Variants in MPPED1 observed in about 807,000 individuals in gnomAD.
MPPED1 encodes the protein metallophosphoesterase domain containing 1.
A neutral mutation model predicts 36.2 loss-of-function variants in MPPED1; 16 were observed. The observed-to-expected ratio is 0.44, with a 90% confidence interval of 0.30 to 0.67. The LOEUF is 0.67. Among genes scored for constraint, MPPED1 ranks in the 30% least tolerant of loss-of-function variants. The pLI is 0.10. For synonymous variants in MPPED1, 199 were observed against 191.3 expected (o/e 1.04, Z -0.33); for missense variants, 307 against 453.4 (o/e 0.68, Z 2.93).
At chr22:43,432,372 A>G (rs1929728814) in intron 2 of MPPED1, among the ~76,000 whole-genome samples, 2 of 116,432 alleles carry the variant, frequency 1.7e-5, no homozygotes, top group Non-Finnish European at 3.4e-5. Flanking sequence ...AAAGGGAGAG[A>G]GAAAGGGAGG....
At chr22:43,452,605 C>G (rs1930609988) in intron 3 of MPPED1, among the ~76,000 whole-genome samples, 1 of 152,100 alleles carries the variant, frequency 6.6e-6, no homozygotes, top group South Asian at 2.1e-4. Flanking sequence ...TTTATTTAGC[C>G]TTAAAACCCT....
intron 3 of MPPED1, among the ~76,000 whole-genome samples, chr22:43,450,239 G>A (rs1351649502): frequency 6.6e-6 from 1 of 152,200 alleles, no homozygotes; most frequent in African/African-American, 2.4e-5. Flanking sequence ...TTTAATTCCT[G>A]AATGAGACAG....
In MPPED1 at chr22:43,425,154, G is replaced by T. The variant is rs748853811; in HGVS notation, c.169G>T (p.Ala57Ser). ...CGAGTACAGCTCCAACCCCACCCAG[G>T]CCTTCACCTTCTACAACATCAACCA... ...VDEYSSNPTQ[A>S]FTFYNINQGR... Residue 57 changes from alanine (A) to serine (S), a missense_variant, in exon 2 of 7, where the codon GCC becomes TCC. Ala to Ser is a moderately conservative substitution (Grantham distance 99). Coordinates refer to ENST00000443721, the MANE Select transcript of MPPED1 (RefSeq NM_001044370.2). The T allele has an allele frequency of 1.9e-6, 3 of 1,603,420 alleles. No homozygotes were observed. Among genetic ancestry groups the T allele is most frequent in the Non-Finnish European group, 2.6e-6 (3 of 1,173,732 alleles).
chr22:43,490,679 AT>A (rs1258608787), intron 4 of MPPED1, among the ~76,000 whole-genome samples: 1 of 152,170 alleles, frequency 6.6e-6, no homozygotes, highest in Non-Finnish European at 1.5e-5. Flanking sequence ...ATTTGATCAG[AT>A]TTTTGAAAAA....
At chr22:43,469,570 C>T (rs1350176613) in intron 3 of MPPED1, among the ~76,000 whole-genome samples, 2 of 152,120 alleles carry the variant, frequency 1.3e-5, no homozygotes, top group Non-Finnish European at 2.9e-5. Flanking sequence ...ACTCCTCCTG[C>T]CCACTCCGTG....
intron 3 of MPPED1, among the ~76,000 whole-genome samples, chr22:43,457,509 T>C (rs989035468): frequency 2.0e-5 from 3 of 152,150 alleles, no homozygotes; most frequent in African/African-American, 7.2e-5. Flanking sequence ...TTATGTTTAA[T>C]ATAACTACTG....
At chr22:43,414,037 C>G (rs1352622074) in intron 1 of MPPED1, among the ~76,000 whole-genome samples, 2 of 152,196 alleles carry the variant, frequency 1.3e-5, no homozygotes, top group African/African-American at 4.8e-5. Context: ...CACATCCACC[C>G]TGGCTGATGC....
intron 2 of MPPED1, among the ~76,000 whole-genome samples, chr22:43,427,427 G>A (rs945203530): frequency 6.6e-6 from 1 of 152,068 alleles, no homozygotes; most frequent in Non-Finnish European, 1.5e-5. Context: ...GAGCCTGCAG[G>A]TGGCTAGAAG....
intron 1 of MPPED1, among the ~76,000 whole-genome samples, chr22:43,417,473 G>A (rs558988038): frequency 4.9e-5 from 7 of 141,446 alleles, no homozygotes; most frequent in African/African-American, 1.3e-4. Flanking sequence ...TCCTTTTATG[G>A]CATTTTCTAC....
chr22:43,446,216 A>G lies in MPPED1; in HGVS notation c.406+11001A>G, dbSNP rs143279635. 9.9e-3 allele frequency among the ~76,000 whole-genome samples: 1,511 copies of G among 152,296 alleles called. 29 individuals are homozygous for G. The highest frequency in any genetic ancestry group is 0.035 in the African/African-American group (1,439 of 41,542). Reference sequence around the variant, plus strand: ...TTTTTAACTCTGCCTCAAACTAGTCATAGTTATTAGTATTTGTTTTCCAGG... The same window carrying G: ...TTTTTAACTCTGCCTCAAACTAGTCGTAGTTATTAGTATTTGTTTTCCAGG... On this transcript the variant is annotated intron_variant, in intron 3 of 6. Transcript: ENST00000443721.
chr22:43,443,177 T>C (rs1303759834), intron 3 of MPPED1, among the ~76,000 whole-genome samples: 1 of 152,158 alleles, frequency 6.6e-6, no homozygotes, highest in African/African-American at 2.4e-5. Context: ...GGGAGGGTCA[T>C]GCACGGAGAA....
At chr22:43,490,110 C>A (rs1050208112) in intron 4 of MPPED1, among the ~76,000 whole-genome samples, 5 of 152,184 alleles carry the variant, frequency 3.3e-5, no homozygotes, top group Non-Finnish European at 5.9e-5. Context: ...CTTCAGTGCC[C>A]TTTCTACCCA....
At chr22:43,420,122 G>A (rs1929212877) in intron 1 of MPPED1, among the ~76,000 whole-genome samples, 1 of 152,120 alleles carries the variant, frequency 6.6e-6, no homozygotes, top group South Asian at 2.1e-4. Flanking sequence ...CCCTCAAGGG[G>A]ACCACTGAAG....
chr22:43,455,108 T>G (rs1930706195), intron 3 of MPPED1, among the ~76,000 whole-genome samples: 1 of 93,730 alleles, frequency 1.1e-5, no homozygotes, highest in Admixed American at 1.3e-4. Flanking sequence ...CTCTCTGCCT[T>G]CATGTCCTTT....
At chr22:43,497,929 G>GTCTGTATGTATATATATA (rs1555904565) in intron 4 of MPPED1, among the ~76,000 whole-genome samples, 1 of 48,758 alleles carries the variant, frequency 2.1e-5, no homozygotes, top group Admixed American at 2.9e-4. Flanking sequence ...ATATATATAT[G>GTCTGTATGTATATATATA]TATATGTATA....
intron 2 of MPPED1, among the ~76,000 whole-genome samples, chr22:43,428,209 C>T (rs115311319): frequency 0.02 from 3,078 of 152,244 alleles, 102 homozygotes; most frequent in African/African-American, 0.069. Context: ...GAGCAGGCCC[C>T]GCAAGGATTC....
rs1016780879 is a variant in MPPED1 at position 43,504,145 on chromosome 22, AATG to A, written c.863-1338_863-1336del. Among the ~76,000 whole-genome samples the A allele has an allele frequency of 3.9e-3, 594 of 151,816 alleles. 3 individuals are homozygous for A. The highest frequency in any genetic ancestry group is 0.014 in the African/African-American group (563 of 41,374). On this transcript the variant is annotated intron_variant, in intron 6 of 6. Transcript: ENST00000443721. ...TGATGATGGTGATAGTAATAATGTC[AATG>A]ATGATGATGATGATACTGATGATGA...
In MPPED1 at chr22:43,485,746, G is replaced by A. The variant is rs1402819353; in HGVS notation, c.632+10785G>A. 3.9e-5 allele frequency among the ~76,000 whole-genome samples: 6 copies of A among 152,192 alleles called. No individual in the cohort carries two copies. The South Asian group carries it at 6.2e-4, about 16-fold the overall frequency. ...CTCCTTCCTGCCGCAAAGTCCCAGC[G>A]AAACAAAAGATGGATGATTCTGTGC... On this transcript the variant is annotated intron_variant, in intron 4 of 6. Transcript: ENST00000443721.
chr22:43,419,237 G>A (rs1929177079), intron 1 of MPPED1: 1 of 152,192 alleles, frequency 6.6e-6, no homozygotes, highest in Non-Finnish European at 1.5e-5. Flanking sequence ...ATTCTTTGGC[G>A]TTTCATTCAG....
Sources: gnomAD v4.1 joint callset for allele counts (sites outside exome capture counted in the v4.1 genomes callset) on GRCh38, gnomAD v4.1.1 for gene constraint, MANE v1.5 for transcripts, NCBI Gene and HGNC (gene_info 2026-07-23, HGNC 2026-07-21) for gene names.